The following LRRC37A2 variants were observed in gnomAD, a reference collection of about 807,000 sequenced individuals.
The protein encoded by LRRC37A2 is leucine-rich repeat-containing protein 37A2.
In LRRC37A2, 9 loss-of-function variants were observed where a neutral mutation model predicts 68.8. The ratio of observed to expected loss-of-function variants is 0.13; its 90% CI spans 0.08 to 0.23. The LOEUF is 0.23. Among genes scored for constraint, LRRC37A2 ranks in the 10% least tolerant of loss-of-function variants. LRRC37A2 has a pLI of 1.00. For missense variants in LRRC37A2, 168 were observed against 950.4 expected (o/e 0.18, Z 10.82); for synonymous variants, 63 against 367.6 (o/e 0.17, Z 9.48).
the LRRC37A2 span, among the ~76,000 whole-genome samples, chr17:46,463,867 A>C: frequency 6.9e-4 from 12 of 17,302 alleles, no homozygotes; most frequent in African/African-American, 7.4e-4. Flanking sequence ...TCCCGTCTTC[A>C]AAAAAAAAAA....
chr17:46,894,939 C>T, the LRRC37A2 span, among the ~76,000 whole-genome samples: 3 of 152,240 alleles, frequency 2.0e-5, no homozygotes, highest in African/African-American at 7.2e-5. Flanking sequence ...TTAGCGGGGC[C>T]TCCCGGGCAG....
At chr17:46,816,468 AACACACGCAC>A in the LRRC37A2 span, among the ~76,000 whole-genome samples, 11 of 96,528 alleles carry the variant, frequency 1.1e-4, no homozygotes, top group East Asian at 4.5e-3. Context: ...ATAGACCCAG[AACACACGCAC>A]ACACACACAC....
At chr17:46,753,579 C>CAG in the LRRC37A2 span, among the ~76,000 whole-genome samples, 1 of 151,976 alleles carries the variant, frequency 6.6e-6, no homozygotes, top group Non-Finnish European at 1.5e-5. Context: ...GTCAGATTGT[C>CAG]AGCTTCTTTT....
chr17:46,824,846 C>A, the LRRC37A2 span, among the ~76,000 whole-genome samples: 1 of 152,186 alleles, frequency 6.6e-6, no homozygotes, highest in South Asian at 2.1e-4. Context: ...ACAACTCCAA[C>A]CCACCCCAGC....
the LRRC37A2 span, chr17:47,018,140 A>C: frequency 1.9e-6 from 3 of 1,570,146 alleles, no homozygotes; most frequent in Non-Finnish European, 2.6e-6. Context: ...CCAATGAGAC[A>C]GAATCTTCCC....
the LRRC37A2 span, among the ~76,000 whole-genome samples, chr17:47,000,111 T>TAA: frequency 4.5e-5 from 6 of 134,268 alleles, no homozygotes; most frequent in African/African-American, 1.3e-4. Flanking sequence ...TAAAATAAAA[T>TAA]AAAATAAAAT....
At chr17:46,709,666 T>G in the LRRC37A2 span, among the ~76,000 whole-genome samples, 5 of 152,032 alleles carry the variant, frequency 3.3e-5, no homozygotes, top group African/African-American at 1.2e-4. Flanking sequence ...AGCTAATTTT[T>G]GTATTTTTAG....
chr17:46,575,045 G>A, the LRRC37A2 span, among the ~76,000 whole-genome samples: 3 of 80,806 alleles, frequency 3.7e-5, no homozygotes, highest in South Asian at 9.7e-4. Context: ...GTAGTGAGCC[G>A]AGATCGCGCC....
At chr17:46,819,395 T>C in the LRRC37A2 span, among the ~76,000 whole-genome samples, 1 of 152,148 alleles carries the variant, frequency 6.6e-6, no homozygotes, top group African/African-American at 2.4e-5. The surrounding 1 kb of genome is among the most constrained non-coding windows in gnomAD (Gnocchi z 5.3). Flanking sequence ...GACCTCCTGC[T>C]GCCTTTGCAT....
the LRRC37A2 span, chr17:46,932,390 A>C: frequency 1.5e-6 from 1 of 646,456 alleles, no homozygotes; most frequent in Non-Finnish European, 2.7e-6. Context: ...TTTTTCTAAG[A>C]CAAAAACCTG....
the LRRC37A2 span, chr17:46,763,793 G>T: frequency 1.5e-5 from 2 of 133,066 alleles, no homozygotes. Context: ...GAGAAGACTT[G>T]CCCCCTTACA....
the LRRC37A2 span, among the ~76,000 whole-genome samples, chr17:46,810,273 G>A: frequency 6.6e-6 from 1 of 152,008 alleles, no homozygotes; most frequent in South Asian, 2.1e-4. Context: ...CTCCCAAAGT[G>A]CTGGGATTAC....
At chr17:46,478,619 A>G in the LRRC37A2 span, among the ~76,000 whole-genome samples, 3 of 111,202 alleles carry the variant, frequency 2.7e-5, no homozygotes, top group African/African-American at 9.2e-5. Context: ...TAATACCCCA[A>G]CTGCAAAGAA....
At chr17:47,022,002 C>A in the LRRC37A2 span, 4 of 1,274,326 alleles carry the variant, frequency 3.1e-6, no homozygotes, top group South Asian at 4.9e-5. Context: ...GAGGTCGGTA[C>A]CTCTGAGGAA....
At chr17:46,722,160 C>T in the LRRC37A2 span, 2 of 1,611,820 alleles carry the variant, frequency 1.2e-6, no homozygotes, top group African/African-American at 1.3e-5. Flanking sequence ...GGCGCTCGAA[C>T]TGAACATGGC....
At chr17:46,695,359 A>G in the LRRC37A2 span, among the ~76,000 whole-genome samples, 5 of 100,766 alleles carry the variant, frequency 5.0e-5, no homozygotes, top group East Asian at 1.0e-3. Flanking sequence ...TGTTCAAGCT[A>G]TTGGGCTGGA....
the LRRC37A2 span, among the ~76,000 whole-genome samples, chr17:47,016,291 G>A: frequency 2.0e-5 from 3 of 151,366 alleles, no homozygotes; most frequent in Non-Finnish European, 4.4e-5. Flanking sequence ...CCTATGCCAG[G>A]CACTGGAATA....
At chr17:46,817,944 T>G in the LRRC37A2 span, among the ~76,000 whole-genome samples, 1 of 151,976 alleles carries the variant, frequency 6.6e-6, no homozygotes. Context: ...TCAAGATGAA[T>G]CTAGAGCGGT....
the LRRC37A2 span, among the ~76,000 whole-genome samples, chr17:47,047,596 G>A: frequency 6.6e-6 from 1 of 151,830 alleles, no homozygotes; most frequent in Non-Finnish European, 1.5e-5. Flanking sequence ...TCTTCATATA[G>A]TGCAAAGTAG....
Sources: allele counts gnomAD v4.1 joint callset (sites outside exome capture counted in the v4.1 genomes callset), GRCh38; gene constraint gnomAD v4.1.1; non-coding constraint Gnocchi (gnomAD v3.1); transcripts MANE v1.5; gene names NCBI Gene and HGNC (gene_info 2026-07-23, HGNC 2026-07-21).